KIRREL3: variants seen among roughly 807,000 people sequenced by gnomAD.
The protein encoded by KIRREL3 is kin of IRRE-like protein 3.
Under a neutral mutation model 89.7 loss-of-function variants are expected in KIRREL3, and 36 were observed. The ratio of observed to expected loss-of-function variants is 0.40; its 90% CI spans 0.31 to 0.53. The LOEUF is 0.53. Ranked by LOEUF, KIRREL3 falls within the 20% of genes least tolerant of loss-of-function variation. KIRREL3 has a pLI of 0.49. For synonymous variants in KIRREL3, 445 were observed against 441.4 expected, an observed-to-expected ratio of 1.01 and a Z score of -0.10; for missense variants, 864 against 1,056.6, an observed-to-expected ratio of 0.82 and a Z score of 2.53.
intron 1 of KIRREL3, among the ~76,000 whole-genome samples, chr11:126,947,099 A>G (rs1948640023): frequency 6.6e-6 from 1 of 152,152 alleles, no homozygotes; most frequent in Non-Finnish European, 1.5e-5. Context: ...TGTTTTCTGA[A>G]TCAATAACTC....
At chr11:126,927,672 C>G (rs1429069287) in intron 1 of KIRREL3, among the ~76,000 whole-genome samples, 1 of 152,186 alleles carries the variant, frequency 6.6e-6, no homozygotes, top group East Asian at 1.9e-4. Flanking sequence ...AGTGCTTCTT[C>G]CCTCCTCCCT....
In KIRREL3 at chr11:126,985,300, C is replaced by T. The variant is rs1453258534; in HGVS notation, c.55+15155G>A. On this transcript the variant is annotated intron_variant, in intron 1 of 16. Coordinates refer to ENST00000525144, the MANE Select transcript of KIRREL3 (RefSeq NM_032531.4). This position sits in a 1 kb window ranked among gnomAD's most constrained non-coding sequence, Gnocchi z 5.3. The stretch of plus-strand genomic sequence containing the variant: ...TGTAAGAAATACTGATTGTATCTGA[C>T]TCTGCGCCCAAGTCCAACAAAGCCA... 6.6e-6 allele frequency among the ~76,000 whole-genome samples: 1 copy of T among 152,100 alleles called. No individual in the cohort carries two copies. The highest frequency in any genetic ancestry group is 1.5e-5 in the Non-Finnish European group (1 of 68,022).
intron 12 of KIRREL3, among the ~76,000 whole-genome samples, chr11:126,436,540 C>T (rs1955342383): frequency 6.6e-6 from 1 of 152,262 alleles, no homozygotes; most frequent in South Asian, 2.1e-4. Flanking sequence ...TTGTGGTCAC[C>T]TCCCACTGAA....
chr11:126,733,762 ATGTGTGATTTGAACGGGT>A (rs898547624), intron 1 of KIRREL3, among the ~76,000 whole-genome samples: 9 of 151,864 alleles, frequency 5.9e-5, no homozygotes, highest in African/African-American at 1.7e-4. Flanking sequence ...TTTCCCTGAT[ATGTGTGATTTGAACGGGT>A]TGCTGCTTTT....
intron 1 of KIRREL3, among the ~76,000 whole-genome samples, chr11:126,638,247 C>T (rs1399374528): frequency 6.6e-6 from 1 of 152,210 alleles, no homozygotes; most frequent in Non-Finnish European, 1.5e-5. Context: ...TTTCCTAAAA[C>T]ATGCCAGAGA....
chr11:126,657,424 A>G (rs1945198822), intron 1 of KIRREL3, among the ~76,000 whole-genome samples: 1 of 152,176 alleles, frequency 6.6e-6, no homozygotes, highest in Non-Finnish European at 1.5e-5. Context: ...AAGCAAACCA[A>G]CCCAGAAAGA....
In KIRREL3 at chr11:126,489,294, C is replaced by A. The variant is rs1224239402; in HGVS notation, c.434-15828G>T. Reference sequence around the variant, plus strand: ...CCCTGTCATGTTCCTCTTTGTCTCTCTCTCCTGCCCCAGCTCAGCCTGCAC... The same window carrying A: ...CCCTGTCATGTTCCTCTTTGTCTCTATCTCCTGCCCCAGCTCAGCCTGCAC... On this transcript the variant is annotated intron_variant, in intron 4 of 16. Transcript: ENST00000525144. This position sits in a 1 kb window ranked among gnomAD's most constrained non-coding sequence, Gnocchi z 5.5. Among the ~76,000 whole-genome samples the A allele has an allele frequency of 6.6e-6, 1 of 152,176 alleles. No individual in the cohort carries two copies. The highest frequency in any genetic ancestry group is 2.4e-5 in the African/African-American group (1 of 41,450).
rs1313697874 is a variant in KIRREL3 at position 126,495,395 on chromosome 11, A to T, written c.434-21929T>A. Among the ~76,000 whole-genome samples the T allele has an allele frequency of 6.6e-6, 1 of 151,298 alleles. No individual in the cohort carries two copies. Among genetic ancestry groups the T allele is most frequent in the Non-Finnish European group, 1.5e-5 (1 of 67,854 alleles). ...TGCGCCCTACCTCCAGCACCCTCTG[A>T]CCTCCCTGCCTGACCCCAGGTGGTT... On this transcript the variant is annotated intron_variant, in intron 4 of 16. Coordinates refer to ENST00000525144, the MANE Select transcript of KIRREL3 (RefSeq NM_032531.4). The surrounding 1 kb of genome is among the most constrained non-coding windows in gnomAD (Gnocchi z 6.5).
At chr11:126,540,883 T>C (rs935438810) in intron 2 of KIRREL3, among the ~76,000 whole-genome samples, 5 of 152,170 alleles carry the variant, frequency 3.3e-5, no homozygotes, top group Non-Finnish European at 7.4e-5. Context: ...CTAAGCCCCC[T>C]TTCTTCTCTG....
intron 15 of KIRREL3, 118 bp from the exon 16 acceptor site, chr11:126,425,842 AC>A: frequency 2.8e-6 from 2 of 726,012 alleles, no homozygotes; most frequent in Non-Finnish European, 4.6e-6. Flanking sequence ...ACCACCCCTC[AC>A]TGCCTGGACC....
rs1435859918 is a variant in KIRREL3 at position 126,477,862 on chromosome 11, A to G, written c.434-4396T>C. 6.6e-6 allele frequency among the ~76,000 whole-genome samples: 1 copy of G among 152,170 alleles called. No homozygotes were observed. Among genetic ancestry groups the G allele is most frequent in the Non-Finnish European group, 1.5e-5 (1 of 68,024 alleles). ...CCAGCAGCACCACCCTCCTGCCCCC[A>G]TACTGCATGGTGGAGAACCTCATAG... On this transcript the variant is annotated intron_variant, in intron 4 of 16. Transcript: ENST00000525144. The surrounding 1 kb of genome is among the most constrained non-coding windows in gnomAD (Gnocchi z 4.8).
intron 11 of KIRREL3, chr11:126,440,199 G>A (rs1446503053): frequency 1.5e-6 from 1 of 684,718 alleles, no homozygotes; most frequent in South Asian, 1.5e-5. Context: ...GCGGAATTTG[G>A]TCAGAGCCGT....
In KIRREL3 at chr11:126,432,530, C is replaced by T. The variant is rs1389733985; in HGVS notation, c.1589-1004G>A. ...TTTGGCCAAGGACACACAGGAGCTG[C>T]CCAGCCAGGGTCAATCCAGGTCTCC... On this transcript the variant is annotated intron_variant, in intron 13 of 16. Transcript: ENST00000525144. The surrounding 1 kb of genome is among the most constrained non-coding windows in gnomAD (Gnocchi z 6.2). Among the ~76,000 whole-genome samples, 1 of 152,110 alleles carries T rather than the reference C, an allele frequency of 6.6e-6. No homozygotes were observed. The highest frequency in any genetic ancestry group is 2.4e-5 in the African/African-American group (1 of 41,424).
rs1020574505 is a variant in KIRREL3, at chr11:126,837,123, G to A, written c.55+163332C>T. 1.7e-4 allele frequency among the ~76,000 whole-genome samples: 26 copies of A among 152,148 alleles called. No homozygotes were observed. Among genetic ancestry groups the A allele is most frequent in the Admixed American group, 1.5e-3 (23 of 15,280 alleles). On this transcript the variant is annotated intron_variant, in intron 1 of 16. Transcript: ENST00000525144. This position sits in a 1 kb window ranked among gnomAD's most constrained non-coding sequence, Gnocchi z 4.7. ...AAGAATAGAACTTTTGGATTAAAAA[G>A]CCAGTTGGGTTCAAATCCAAGCTTG... is the stretch of plus-strand genomic sequence containing the variant.
chr11:126,595,922 G>C (rs571127224), intron 1 of KIRREL3, among the ~76,000 whole-genome samples: 68 of 152,312 alleles, frequency 4.5e-4, no homozygotes, highest in African/African-American at 1.6e-3. Flanking sequence ...TGGTCATAAA[G>C]AATTGTAATA....
In KIRREL3 at chr11:126,744,217, G is replaced by A. The variant is rs1399538542; in HGVS notation, c.56-181305C>T. ...CAGTCAAGGGACAAAATGGACATTG[G>A]TTTGTCTTCTGAAACACACAACTTT... is the stretch of plus-strand genomic sequence containing the variant. On this transcript the variant is annotated intron_variant, in intron 1 of 16. Transcript: ENST00000525144. This position sits in a 1 kb window ranked among gnomAD's most constrained non-coding sequence, Gnocchi z 4.7. Among the ~76,000 whole-genome samples, 6 of 150,474 alleles carry A rather than the reference G, an allele frequency of 4.0e-5. No individual in the cohort carries two copies. In the Admixed American group the frequency reaches 4.0e-4, roughly 10 times the overall value.
chr11:126,960,445 C>G (rs1793661), intron 1 of KIRREL3, among the ~76,000 whole-genome samples: 136,104 of 152,214 alleles, frequency 0.89, 61,025 homozygotes, highest in Middle Eastern at 0.96. Flanking sequence ...AGTGCTCACT[C>G]CCTGGGATCT....
chr11:126,502,872 A>G (rs1957903321), intron 4 of KIRREL3, among the ~76,000 whole-genome samples: 1 of 152,092 alleles, frequency 6.6e-6, no homozygotes, highest in Non-Finnish European at 1.5e-5. Context: ...CGCCTTAATT[A>G]TTTTTCTCTC....
At chr11:126,468,772 T>C (rs901896975) in intron 5 of KIRREL3, among the ~76,000 whole-genome samples, 2 of 152,222 alleles carry the variant, frequency 1.3e-5, no homozygotes, top group Non-Finnish European at 2.9e-5. Context: ...TTCTGATGCA[T>C]AATTTCTTGT....
Sources: gnomAD v4.1 joint callset for allele counts (sites outside exome capture counted in the v4.1 genomes callset) on GRCh38, gnomAD v4.1.1 for gene constraint, Gnocchi (gnomAD v3.1) non-coding constraint, MANE v1.5 for transcripts, NCBI Gene and HGNC (gene_info 2026-07-23, HGNC 2026-07-21) for gene names.